The following TTC29 variants were observed in gnomAD, a reference collection of about 807,000 sequenced individuals.
TTC29 encodes the protein tetratricopeptide repeat protein 29.
A neutral mutation model predicts 58.1 loss-of-function variants in TTC29; 49 were observed. The ratio of observed to expected loss-of-function variants is 0.84; its 90% CI spans 0.67 to 1.07. TTC29 has a LOEUF of 1.07. Ranked by LOEUF, TTC29 falls within the 50% of genes least tolerant of loss-of-function variation. The pLI, the probability that TTC29 is intolerant of heterozygous loss-of-function variation, is 0.00. For missense variants in TTC29, 582 were observed against 555.6 expected, an observed-to-expected ratio of 1.05 and a Z score of -0.48; for synonymous variants, 209 against 196.8, an observed-to-expected ratio of 1.06 and a Z score of -0.52.
At position 146,770,581 on chromosome 4, in the gene TTC29, A is replaced by T. The variant is rs532012963; in HGVS notation, c.1330+32876T>A. On this transcript the variant is annotated intron_variant, in intron 11 of 12. Transcript: ENST00000325106. ...GTCTTTAGGAAGTTCAAAATTAAGC[A>T]TAATTGCATAAGAGATAACATTCTC... 2.6e-5 allele frequency among the ~76,000 whole-genome samples: 4 copies of T among 152,170 alleles called. No homozygotes were observed. The East Asian group carries it at 7.7e-4, about 29-fold the overall frequency.
intron 10 of TTC29, among the ~76,000 whole-genome samples, chr4:146,811,365 C>G (rs1751011969): frequency 6.6e-6 from 1 of 152,138 alleles, no homozygotes; most frequent in Non-Finnish European, 1.5e-5. Flanking sequence ...CCCAAATCTT[C>G]TAAAAATCCT....
chr4:146,785,563 C>T (rs1363045352), intron 11 of TTC29, among the ~76,000 whole-genome samples: 1 of 152,198 alleles, frequency 6.6e-6, no homozygotes, highest in Non-Finnish European at 1.5e-5. Flanking sequence ...GACTTATCTC[C>T]TTAATGACAC....
intron 11 of TTC29, among the ~76,000 whole-genome samples, chr4:146,772,663 T>C (rs1238395958): frequency 6.6e-6 from 1 of 152,174 alleles, no homozygotes; most frequent in Non-Finnish European, 1.5e-5. Context: ...ATGTGATGTC[T>C]CCAGCTTTGT....
intron 11 of TTC29, among the ~76,000 whole-genome samples, chr4:146,730,838 G>A (rs1744279849): frequency 6.6e-6 from 1 of 152,190 alleles, no homozygotes; most frequent in African/African-American, 2.4e-5. Context: ...ATTCAGGAAA[G>A]AATAGGAAGG....
rs191620938 is a variant in TTC29, at chr4:146,787,885, C to T, written c.1330+15572G>A. On this transcript the variant is annotated intron_variant, in intron 11 of 12. Coordinates refer to ENST00000325106, the MANE Select transcript of TTC29 (RefSeq NM_031956.4). ...CCCTCCTCCTGTCGGTCACCAGCTG[C>T]CAATCTGCCCCCTTTTTTTTTTATT... is the stretch of plus-strand genomic sequence containing the variant. 9.5e-3 allele frequency among the ~76,000 whole-genome samples: 1,143 copies of T among 120,058 alleles called. 10 individuals are homozygous for T. The highest frequency in any genetic ancestry group is 0.016 in the Middle Eastern group (4 of 256). 78.8% of individuals were successfully genotyped at this position (120,058 alleles called of 152,430 possible). A position where few individuals can be genotyped will look rare whatever the true frequency, so the allele number is the denominator to read the frequency against.
chr4:146,918,087 C>T (rs561456002), intron 4 of TTC29, among the ~76,000 whole-genome samples: 1 of 150,746 alleles, frequency 6.6e-6, no homozygotes, highest in African/African-American at 2.4e-5. Flanking sequence ...AACAGTTACG[C>T]GTTTACTAAT....
At position 146,888,574 on chromosome 4, in the gene TTC29, G is replaced by T. The variant is rs1469284805; in HGVS notation, c.587-13646C>A. Among the ~76,000 whole-genome samples, 6 of 152,132 alleles carry T rather than the reference G, an allele frequency of 3.9e-5. No individual in the cohort carries two copies. The East Asian group carries it at 1.2e-3, about 29-fold the overall frequency. On this transcript the variant is annotated intron_variant, in intron 6 of 12. Transcript: ENST00000325106. ...GAAAGCAGCATTTATACAGGCCCAT[G>T]TGCCAAGCAGAGCACTAGACACTTT...
chr4:146,777,637 T>C (rs1413975615), intron 11 of TTC29, among the ~76,000 whole-genome samples: 2 of 152,156 alleles, frequency 1.3e-5, no homozygotes, highest in East Asian at 3.8e-4. Context: ...TAAATTTTCT[T>C]TTGTCTTACT....
intron 8 of TTC29, among the ~76,000 whole-genome samples, chr4:146,848,314 G>C (rs1729307103): frequency 6.6e-6 from 1 of 152,158 alleles, no homozygotes; most frequent in African/African-American, 2.4e-5. Flanking sequence ...CTGAAATCCT[G>C]TACTTCCATT....
At chr4:146,936,507 G>A (rs1043888288) in intron 4 of TTC29, among the ~76,000 whole-genome samples, 2 of 151,968 alleles carry the variant, frequency 1.3e-5, no homozygotes, top group Admixed American at 6.6e-5. Context: ...AGTTTATCAC[G>A]GAAAGTTAAA....
chr4:146,916,482 G>A (rs1234793045), intron 4 of TTC29, among the ~76,000 whole-genome samples: 1 of 151,610 alleles, frequency 6.6e-6, no homozygotes, highest in African/African-American at 2.4e-5. Flanking sequence ...GTATTGATTA[G>A]CAATGATTAA....
intron 11 of TTC29, among the ~76,000 whole-genome samples, chr4:146,782,439 A>ATTGT (rs1375562863): frequency 1.3e-5 from 2 of 151,946 alleles, no homozygotes; most frequent in Non-Finnish European, 2.9e-5. Flanking sequence ...AGATAAAATG[A>ATTGT]TTGTTAATTA....
chr4:146,906,571 G>A (rs1334718096), intron 5 of TTC29, among the ~76,000 whole-genome samples: 1 of 152,158 alleles, frequency 6.6e-6, no homozygotes, highest in Non-Finnish European at 1.5e-5. Context: ...GTTAATAAGA[G>A]TGAATGTGCA....
At chr4:146,808,902 A>C (rs1306600145) in intron 10 of TTC29, among the ~76,000 whole-genome samples, 1 of 150,978 alleles carries the variant, frequency 6.6e-6, no homozygotes, top group Non-Finnish European at 1.5e-5. Flanking sequence ...TTTCATATGG[A>C]ACTAAAAAAA....
chr4:146,937,658 T>C lies in TTC29; in HGVS notation c.112A>G (p.Lys38Glu), dbSNP rs765850698. 3 of 1,528,892 alleles carry C rather than the reference T, an allele frequency of 2.0e-6. No individual in the cohort carries two copies. The highest frequency in any genetic ancestry group is 2.7e-6 in the Non-Finnish European group (3 of 1,131,874). The allele number at this position is 1,528,892 out of a possible 1,614,324, so 94.7% of individuals were successfully genotyped here. A position where few individuals can be genotyped will look rare whatever the true frequency, so the allele number is the denominator to read the frequency against. The change falls in exon 4 of 13, where the codon AAA (lysine) becomes GAA (glutamate). Residue 38 changes from lysine (K) to glutamate (E), a missense_variant. By Grantham distance (56) the Lys-to-Glu change is moderately conservative. Coordinates refer to ENST00000325106, the MANE Select transcript of TTC29 (RefSeq NM_031956.4). ...TCTAGATAATGATCTATGTCATCTTTTTCTTTGATCAATTGAGACCTAAAT... is the reference window on the plus strand; with the variant it reads ...TCTAGATAATGATCTATGTCATCTTCTTCTTTGATCAATTGAGACCTAAAT... ...KIPRSQLIKE[K>E]DDIDHYLEVN...
intron 4 of TTC29, among the ~76,000 whole-genome samples, chr4:146,918,139 T>C (rs1488641185): frequency 6.6e-6 from 1 of 151,074 alleles, no homozygotes; most frequent in African/African-American, 2.4e-5. Flanking sequence ...AGTTTTGCTT[T>C]GTATTTTTGG....
chr4:146,854,131 A>G (rs1729685265), intron 8 of TTC29, among the ~76,000 whole-genome samples: 1 of 152,096 alleles, frequency 6.6e-6, no homozygotes, highest in Non-Finnish European at 1.5e-5. Context: ...TGGCTTGGCA[A>G]TACACCTTTT....
intron 11 of TTC29, among the ~76,000 whole-genome samples, chr4:146,790,547 C>T (rs556410762): frequency 6.6e-6 from 1 of 152,034 alleles, no homozygotes; most frequent in Admixed American, 6.6e-5. Context: ...TAGCACTTAC[C>T]ACTATTTCTA....
intron 11 of TTC29, among the ~76,000 whole-genome samples, chr4:146,734,323 G>A (rs1367262028): frequency 6.6e-6 from 1 of 152,080 alleles, no homozygotes; most frequent in African/African-American, 2.4e-5. Flanking sequence ...CTGGAGGATG[G>A]TGCACCCAGG....
Sources: allele counts gnomAD v4.1 joint callset (sites outside exome capture counted in the v4.1 genomes callset), GRCh38; gene constraint gnomAD v4.1.1; transcripts MANE v1.5; gene names NCBI Gene and HGNC (gene_info 2026-07-23, HGNC 2026-07-21).